GRHL2: variants seen among roughly 807,000 people sequenced by gnomAD.
The protein encoded by GRHL2 is grainyhead like transcription factor 2.
In GRHL2, 21 loss-of-function variants were observed where a neutral mutation model predicts 83.8. The observed-to-expected ratio is 0.25, with a 90% CI of 0.18 to 0.36. GRHL2 has a LOEUF of 0.36. GRHL2 is among the 10% of genes least tolerant of loss of function. The pLI is 1.00. For missense variants in GRHL2, 623 were observed against 781.8 expected (o/e 0.80, Z 2.42); for synonymous variants, 280 against 278.9 (o/e 1.00, Z -0.04).
chr8:101,590,618 G>C (rs539164074), intron 7 of GRHL2, among the ~76,000 whole-genome samples: 2 of 152,244 alleles, frequency 1.3e-5, no homozygotes, highest in South Asian at 4.2e-4. Flanking sequence ...CGAAGGTCTC[G>C]GGGCTTGGTG....
intron 1 of GRHL2, among the ~76,000 whole-genome samples, chr8:101,513,242 G>A (rs16892326): frequency 0.068 from 10,280 of 151,956 alleles, 591 homozygotes; most frequent in East Asian, 0.21. Flanking sequence ...TATTCATCAC[G>A]ATCCCACTAC....
chr8:101,666,196 A>C (rs977654068), intron 15 of GRHL2, among the ~76,000 whole-genome samples: 1 of 152,202 alleles, frequency 6.6e-6, no homozygotes, highest in African/African-American at 2.4e-5. Flanking sequence ...AGCAGAGGCA[A>C]TGCATTTTTA....
At chr8:101,505,593 A>AAAAC (rs1586399945) in intron 1 of GRHL2, among the ~76,000 whole-genome samples, 1 of 151,546 alleles carries the variant, frequency 6.6e-6, no homozygotes, top group East Asian at 1.9e-4. Context: ...AAAAAAAAAA[A>AAAAC]AAAACAGTGT....
intron 1 of GRHL2, among the ~76,000 whole-genome samples, chr8:101,503,013 G>A (rs1246899404): frequency 2.0e-5 from 3 of 152,118 alleles, no homozygotes; most frequent in Non-Finnish European, 2.9e-5. Flanking sequence ...TCAAGGATAA[G>A]GTAATATATT....
At chr8:101,519,829 A>G (rs181891079) in intron 1 of GRHL2, among the ~76,000 whole-genome samples, 27 of 152,306 alleles carry the variant, frequency 1.8e-4, no homozygotes, top group Admixed American at 1.7e-3. Flanking sequence ...CTCACTGCTA[A>G]TAATCAATTT....
chr8:101,570,107 A>T (rs1048669260), intron 4 of GRHL2, among the ~76,000 whole-genome samples: 1 of 152,266 alleles, frequency 6.6e-6, no homozygotes, highest in Non-Finnish European at 1.5e-5. Context: ...GAACACCTGC[A>T]GACACGTGAA....
chr8:101,678,036 T>G, the GRHL2 span, among the ~76,000 whole-genome samples: 1 of 152,144 alleles, frequency 6.6e-6, no homozygotes, highest in Non-Finnish European at 1.5e-5. Context: ...AAAATTTCAG[T>G]AAAGTGTTCA....
intron 14 of GRHL2, among the ~76,000 whole-genome samples, chr8:101,660,789 G>A (rs12676557): frequency 0.24 from 36,400 of 151,914 alleles, 4,555 homozygotes; most frequent in African/African-American, 0.29. Flanking sequence ...TTCCAGCTCC[G>A]CTCCTCCCTC....
intron 12 of GRHL2, among the ~76,000 whole-genome samples, chr8:101,637,828 C>A (rs1021207679): frequency 6.6e-6 from 1 of 152,200 alleles, no homozygotes; most frequent in African/African-American, 2.4e-5. Context: ...TAGTTCTGCT[C>A]TCTGGATAAG....
rs771165764 is a variant in GRHL2 at position 101,558,460 on chromosome 8, G to A, written c.326G>A (p.Gly109Glu). ...GTSEAQSNLSGGENRVQVLKT... is the reference protein window; with the variant it reads ...GTSEAQSNLSEGENRVQVLKT... ...AGTGAAGCCCAGAGTAATTTGAGTG[G>A]AGGAGAAAACCGAGTGCAAGTCCTA... is the stretch of plus-strand genomic sequence containing the variant. The change falls in exon 4 of 16, where the codon GGA becomes GAA. Residue 109 changes from glycine (G) to glutamate (E), a missense_variant. Transcript: ENST00000646743. The A allele has an allele frequency of 3.1e-6, 5 of 1,614,156 alleles. No individual in the cohort carries two copies. The highest frequency in any genetic ancestry group is 3.4e-6 in the Non-Finnish European group (4 of 1,180,036).
At chr8:101,677,081 A>G in the GRHL2 span, among the ~76,000 whole-genome samples, 6 of 151,808 alleles carry the variant, frequency 4.0e-5, no homozygotes, top group Admixed American at 3.3e-4. Context: ...TGAGGGGGGG[A>G]TAGATAGCAT....
intron 1 of GRHL2, among the ~76,000 whole-genome samples, chr8:101,509,857 A>G (rs1257040763): frequency 6.6e-6 from 1 of 152,224 alleles, no homozygotes; most frequent in Non-Finnish European, 1.5e-5. Context: ...GAAGCTGTAA[A>G]TATAAGAATT....
At chr8:101,613,907 A>T (rs1416381620) in intron 8 of GRHL2, among the ~76,000 whole-genome samples, 1 of 151,064 alleles carries the variant, frequency 6.6e-6, no homozygotes. Flanking sequence ...TTTAAAAAGA[A>T]ACATCTTAAA....
downstream of GRHL2, among the ~76,000 whole-genome samples, chr8:101,672,078 A>T (rs561632174): frequency 6.6e-6 from 1 of 151,834 alleles, no homozygotes; most frequent in African/African-American, 2.4e-5. Flanking sequence ...AAAGACCAAA[A>T]GTAGATAAAG....
downstream of GRHL2, among the ~76,000 whole-genome samples, chr8:101,673,962 G>C (rs886201914): frequency 6.6e-6 from 1 of 152,050 alleles, no homozygotes; most frequent in Non-Finnish European, 1.5e-5. Flanking sequence ...TGGCTACTGG[G>C]TACATAACGA....
At chr8:101,493,407 C>A (rs921143990) in intron 1 of GRHL2, among the ~76,000 whole-genome samples, 37 of 151,986 alleles carry the variant, frequency 2.4e-4, no homozygotes, top group African/African-American at 8.4e-4. Context: ...TCCCCCACTC[C>A]CTCGACATCC....
chr8:101,590,692 T>C (rs989342266), intron 7 of GRHL2, among the ~76,000 whole-genome samples: 6 of 152,210 alleles, frequency 3.9e-5, no homozygotes, highest in African/African-American at 1.4e-4. Flanking sequence ...CTTCTCTTTA[T>C]ACCTTGATTG....
chr8:101,673,536 T>A (rs62517398), downstream of GRHL2, among the ~76,000 whole-genome samples: 1 of 62,998 alleles, frequency 1.6e-5, no homozygotes, highest in African/African-American at 7.3e-5. Context: ...ATATATATAT[T>A]TGCTCCAATA....
At chr8:101,589,109 A>G (rs924336429) in intron 7 of GRHL2, among the ~76,000 whole-genome samples, 2 of 152,194 alleles carry the variant, frequency 1.3e-5, no homozygotes, top group Admixed American at 1.3e-4. Context: ...GTGTCAGTAT[A>G]TTAGACAACA....
Sources: gnomAD v4.1 joint callset for allele counts (sites outside exome capture counted in the v4.1 genomes callset) on GRCh38, gnomAD v4.1.1 for gene constraint, MANE v1.5 for transcripts, NCBI Gene and HGNC (gene_info 2026-07-23, HGNC 2026-07-21) for gene names.